SHC2: variants seen among roughly 807,000 people sequenced by gnomAD.
The protein encoded by SHC2 is SHC adaptor protein 2, also known as SHC-transforming protein 2.
Under a neutral mutation model 60.6 loss-of-function variants are expected in SHC2, and 62 were observed. The observed-to-expected ratio is 1.02, with a 90% CI of 0.83 to 1.26. The LOEUF (loss-of-function observed/expected upper bound fraction) is 1.26. Among genes scored for constraint, SHC2 ranks in the 50% most tolerant of loss-of-function variants. SHC2 has a pLI of 0.00. For synonymous variants in SHC2, 375 were observed against 372.4 expected, an observed-to-expected ratio of 1.01 and a Z score of -0.08; for missense variants, 873 against 822.2, an observed-to-expected ratio of 1.06 and a Z score of -0.76.
At position 442,867 on chromosome 19, in the gene SHC2, GTGGA is replaced by G. The variant is rs200508758; in HGVS notation, c.469-1939_469-1936del. 6.4e-4 allele frequency among the ~76,000 whole-genome samples: 67 copies of G among 105,250 alleles called. 1 individual carries two copies. Among genetic ancestry groups the G allele is most frequent in the African/African-American group, 2.4e-3 (63 of 25,918 alleles). The allele number at this position is 105,250 out of a possible 152,430, so 69.0% of individuals were successfully genotyped here. ...GACGGGTGGACGGATGGATGGGTGG[GTGGA>G]TAGATGAGTGGATGGGTGGGTGGAT... is the stretch of plus-strand genomic sequence containing the variant. On this transcript the variant is annotated intron_variant, in intron 1 of 12. Transcript: ENST00000264554.
chr19:451,648 A>C (rs1487441732), intron 1 of SHC2, among the ~76,000 whole-genome samples: 1 of 152,168 alleles, frequency 6.6e-6, no homozygotes, highest in Admixed American at 6.5e-5. Context: ...CCCAGGCTGG[A>C]GTGCAGTGGC....
chr19:444,500 T>C (rs960082478), intron 1 of SHC2, among the ~76,000 whole-genome samples: 4 of 152,008 alleles, frequency 2.6e-5, no homozygotes, highest in Admixed American at 2.6e-4. Flanking sequence ...TGGGTCCCGT[T>C]GTGGGGACAC....
At chr19:420,305 G>C (rs957337755) in intron 11 of SHC2, among the ~76,000 whole-genome samples, 1 of 152,152 alleles carries the variant, frequency 6.6e-6, no homozygotes, top group African/African-American at 2.4e-5. Context: ...CCAGGCCGGG[G>C]TGCACAAGAG....
rs1974366758 is a variant in SHC2 at position 424,759 on chromosome 19, G to T, written c.1309+338C>A. ...CCAGCGGCATTCCCAACCAGACTGG[G>T]GGTTCAGCAGGGAGGCCCCGGGAGA... On this transcript the variant is annotated intron_variant, in intron 10 of 12. Coordinates refer to ENST00000264554, the MANE Select transcript of SHC2 (RefSeq NM_012435.3). This position sits in a 1 kb window ranked among gnomAD's most constrained non-coding sequence, Gnocchi z 4.5. Among the ~76,000 whole-genome samples the T allele has an allele frequency of 6.6e-6, 1 of 152,160 alleles. No individual in the cohort carries two copies. Among genetic ancestry groups the T allele is most frequent in the African/African-American group, 2.4e-5 (1 of 41,452 alleles).
chr19:419,334 G>T, intron 11 of SHC2: 1 of 408,126 alleles, frequency 2.5e-6, no homozygotes. Flanking sequence ...CCAGCCCTCA[G>T]AGCCTGTGAA....
At position 428,463 on chromosome 19, in the gene SHC2, C is replaced by T. The variant is rs529249779; in HGVS notation, c.1174+2221G>A. ...ATGATGTAACCATGAGGAAGTCTGG[C>T]GTGCACAGTGTGGGAAGAACCCCTG... On this transcript the variant is annotated intron_variant, in intron 9 of 12. Transcript: ENST00000264554. 3.3e-5 allele frequency among the ~76,000 whole-genome samples: 5 copies of T among 152,322 alleles called. No homozygotes were observed. The South Asian group carries it at 6.2e-4, about 19-fold the overall frequency.
chr19:427,044 G>C (rs1459045738), intron 9 of SHC2, among the ~76,000 whole-genome samples: 1 of 152,242 alleles, frequency 6.6e-6, no homozygotes, highest in Non-Finnish European at 1.5e-5. Context: ...CCCGGTCCGG[G>C]GTGAGCAGCC....
Position 447,462 on chromosome 19 carries a change from C to T in SHC2, c.469-6530G>A, listed in dbSNP as rs1207615655. On this transcript the variant is annotated intron_variant, in intron 1 of 12. Transcript: ENST00000264554. Reference sequence around the variant, plus strand: ...TTTAAACAGTTGGGATTAGGGTATGCGAATTATATCTGCTTTTTCAAAAAT... The same window carrying T: ...TTTAAACAGTTGGGATTAGGGTATGTGAATTATATCTGCTTTTTCAAAAAT... 5.3e-5 allele frequency among the ~76,000 whole-genome samples: 8 copies of T among 152,306 alleles called. No homozygotes were observed. The South Asian group carries it at 6.2e-4, about 12-fold the overall frequency.
At chr19:434,174 T>C (rs560585281) in intron 8 of SHC2, among the ~76,000 whole-genome samples, 1 of 109,058 alleles carries the variant, frequency 9.2e-6, no homozygotes, top group African/African-American at 3.9e-5. Context: ...GAGTGAGAGA[T>C]AGAGGAGGCC....
intron 1 of SHC2, among the ~76,000 whole-genome samples, chr19:456,082 T>C (rs1183611614): frequency 2.0e-5 from 3 of 152,164 alleles, no homozygotes; most frequent in Non-Finnish European, 4.4e-5. Context: ...TGCTTTTCAC[T>C]GCGTAACCTC....
At chr19:454,454 C>T (rs181964883) in intron 1 of SHC2, among the ~76,000 whole-genome samples, 9 of 152,276 alleles carry the variant, frequency 5.9e-5, no homozygotes, top group East Asian at 1.9e-4. Context: ...GTCGGTCTCC[C>T]GTGGCTGCCC....
chr19:435,484 G>A (rs961475704), intron 7 of SHC2, among the ~76,000 whole-genome samples: 5 of 152,250 alleles, frequency 3.3e-5, no homozygotes, highest in Non-Finnish European at 5.9e-5. Context: ...GTGAGCAGGC[G>A]TGCGATGCCG....
intron 7 of SHC2, 60 bp downstream of exon 7, chr19:436,105 C>T: frequency 6.3e-7 from 1 of 1,578,718 alleles, no homozygotes; most frequent in Non-Finnish European, 8.6e-7. Flanking sequence ...GGAGCAGGCT[C>T]TGCACCTGGG....
Position 424,562 on chromosome 19 carries a change from G to T in SHC2, c.1309+535C>A, listed in dbSNP as rs1355246263. ...CTCTCAGACTAAGGAGTCCCATGGG[G>T]CGAGGGTCTGGCTTCCCCTGTTGAC... On this transcript the variant is annotated intron_variant, in intron 10 of 12. Coordinates refer to ENST00000264554, the MANE Select transcript of SHC2 (RefSeq NM_012435.3). This position sits in a 1 kb window ranked among gnomAD's most constrained non-coding sequence, Gnocchi z 4.5. 6.6e-6 allele frequency among the ~76,000 whole-genome samples: 1 copy of T among 152,158 alleles called. No individual in the cohort carries two copies. Among genetic ancestry groups the T allele is most frequent in the Non-Finnish European group, 1.5e-5 (1 of 68,030 alleles).
chr19:448,740 A>G (rs1408270260), intron 1 of SHC2, among the ~76,000 whole-genome samples: 2 of 152,182 alleles, frequency 1.3e-5, no homozygotes, highest in Non-Finnish European at 2.9e-5. Context: ...ACTCAACTGC[A>G]GGCAAACACC....
rs576235641 is a variant in SHC2, at chr19:418,749, G to A, written c.*5+174C>T. 1.4e-4 allele frequency among the ~76,000 whole-genome samples: 21 copies of A among 152,226 alleles called. No homozygotes were observed. The South Asian group carries it at 4.4e-3, about 32-fold the overall frequency. The stretch of plus-strand genomic sequence containing the variant: ...TGGGGACAGGGCTTCTTTCGGGGCT[G>A]ACAGAATGTTCTGGAATTCGACAGA... On this transcript the variant is annotated intron_variant, in intron 12 of 12. Transcript: ENST00000264554.
Position 440,759 on chromosome 19 carries a change from C to A in SHC2, c.539+103G>T. ...GGGCACCGAGGCTGCGTCCTGGGACCCCAGCGCGGCTGTCGGAGAGCCCAT... is the reference window on the plus strand; with the variant it reads ...GGGCACCGAGGCTGCGTCCTGGGACACCAGCGCGGCTGTCGGAGAGCCCAT... On this transcript the variant is annotated intron_variant, in intron 2 of 12. Coordinates refer to ENST00000264554, the MANE Select transcript of SHC2 (RefSeq NM_012435.3). The surrounding 1 kb of genome is among the most constrained non-coding windows in gnomAD (Gnocchi z 7.0). 3.0e-6 allele frequency: 3 copies of A among 994,712 alleles called. No individual in the cohort carries two copies. The South Asian group carries it at 4.1e-5, about 13-fold the overall frequency. 61.6% of individuals were successfully genotyped at this position (994,712 alleles called of 1,614,324 possible).
intron 1 of SHC2, among the ~76,000 whole-genome samples, chr19:459,081 C>T (rs530392445): frequency 3.9e-5 from 6 of 152,104 alleles, no homozygotes; most frequent in Non-Finnish European, 7.4e-5. Context: ...AGGTAGGCCT[C>T]ATCTTGACTA....
chr19:438,589 G>A lies in SHC2; in HGVS notation c.720+129C>T. The stretch of plus-strand genomic sequence containing the variant: ...CTGCACCCCCAGCTCCTGCTCAGCG[G>A]GGCCTCGGCTCGTCTTTCTGGATAA... On this transcript the variant is annotated intron_variant, in intron 4 of 12. Transcript: ENST00000264554. This position sits in a 1 kb window ranked among gnomAD's most constrained non-coding sequence, Gnocchi z 5.0. 9.0e-7 allele frequency: 1 copy of A among 1,105,228 alleles called. No homozygotes were observed. Among genetic ancestry groups the A allele is most frequent in the South Asian group, 1.6e-5 (1 of 64,192 alleles). 68.5% of individuals were successfully genotyped at this position (1,105,228 alleles called of 1,614,324 possible).
Sources: gnomAD v4.1 joint callset for allele counts (sites outside exome capture counted in the v4.1 genomes callset) on GRCh38, gnomAD v4.1.1 for gene constraint, Gnocchi (gnomAD v3.1) non-coding constraint, MANE v1.5 for transcripts, NCBI Gene and HGNC (gene_info 2026-07-23, HGNC 2026-07-21) for gene names.